NRCAM: variants seen among roughly 807,000 people sequenced by gnomAD.
NRCAM encodes the protein NgCAM-related cell adhesion molecule.
NRCAM carries 83 observed loss-of-function variants against 156.5 expected under a neutral mutation model. That is an observed-to-expected ratio of 0.53 (90% confidence interval 0.44 to 0.64). The LOEUF (loss-of-function observed/expected upper bound fraction) is 0.64. NRCAM is among the 30% of genes least tolerant of loss of function. The pLI is 0.00. For synonymous variants in NRCAM, 538 were observed against 563.9 expected, an observed-to-expected ratio of 0.95 and a Z score of 0.65; for missense variants, 1,417 against 1,597.3, an observed-to-expected ratio of 0.89 and a Z score of 1.92.
At chr7:108,185,588 G>T (rs191375696) in intron 20 of NRCAM, among the ~76,000 whole-genome samples, 1 of 151,956 alleles carries the variant, frequency 6.6e-6, no homozygotes, top group African/African-American at 2.4e-5. Flanking sequence ...GTGTGGTGGC[G>T]TGCACCTATA....
At chr7:108,275,132 C>T (rs988778271) in intron 3 of NRCAM, among the ~76,000 whole-genome samples, 13 of 152,126 alleles carry the variant, frequency 8.5e-5, no homozygotes, top group South Asian at 8.3e-4. Flanking sequence ...CTGCTGCATT[C>T]GGTTTGCCAG....
intron 1 of NRCAM, among the ~76,000 whole-genome samples, chr7:108,408,993 G>T (rs968606591): frequency 6.6e-6 from 1 of 152,144 alleles, no homozygotes; most frequent in South Asian, 2.1e-4. Context: ...CTTAAGCTGG[G>T]GAACGAGGGG....
intron 1 of NRCAM, among the ~76,000 whole-genome samples, chr7:108,428,950 CTTT>C (rs1482991091): frequency 3.5e-5 from 4 of 114,834 alleles, no homozygotes; most frequent in African/African-American, 6.1e-5. Flanking sequence ...TTCTTTTCTT[CTTT>C]TTTTTTTTAA....
chr7:108,168,232 A>G (rs2056081253), intron 29 of NRCAM, 45 bp downstream of exon 29: 2 of 1,468,828 alleles, frequency 1.4e-6, no homozygotes, highest in Admixed American at 2.5e-5. Context: ...CTTTTAAAAA[A>G]TGCATCCCCC....
intron 3 of NRCAM, among the ~76,000 whole-genome samples, chr7:108,312,369 C>T (rs73416385): frequency 0.011 from 1,601 of 152,102 alleles, 25 homozygotes; most frequent in African/African-American, 0.034. Context: ...ACTAGCAGTG[C>T]TTTGCCTCTG....
intron 2 of NRCAM, among the ~76,000 whole-genome samples, chr7:108,369,985 T>C (rs147209839): frequency 2.1e-3 from 316 of 152,266 alleles, no homozygotes; most frequent in African/African-American, 7.3e-3. Flanking sequence ...AATTATTTTT[T>C]AGCAAACTAT....
chr7:108,255,913 T>TG (rs1254553229), intron 3 of NRCAM, among the ~76,000 whole-genome samples: 10 of 143,036 alleles, frequency 7.0e-5, no homozygotes, highest in African/African-American at 2.1e-4. Context: ...GTCCGGGAGG[T>TG]GGGGGGCAGC....
intron 2 of NRCAM, among the ~76,000 whole-genome samples, chr7:108,385,286 A>C (rs1351965315): frequency 6.6e-6 from 1 of 152,182 alleles, no homozygotes; most frequent in Non-Finnish European, 1.5e-5. Flanking sequence ...GCACTCTAGG[A>C]GGCGATCATA....
At chr7:108,237,705 A>T (rs1280384903) in intron 5 of NRCAM, 47 bp downstream of exon 5, 9 of 1,469,212 alleles carry the variant, frequency 6.1e-6, no homozygotes, top group Non-Finnish European at 8.3e-6. Flanking sequence ...AAGCAAAGAC[A>T]TGGTCACATT....
At chr7:108,163,036 T>C (rs904329770) in intron 30 of NRCAM, among the ~76,000 whole-genome samples, 11 of 151,838 alleles carry the variant, frequency 7.2e-5, no homozygotes, top group African/African-American at 2.4e-4. Flanking sequence ...CACACACATA[T>C]ACCCCACAGA....
At chr7:108,235,097 T>C (rs1392576744) in intron 5 of NRCAM, among the ~76,000 whole-genome samples, 3 of 152,196 alleles carry the variant, frequency 2.0e-5, no homozygotes, top group Non-Finnish European at 4.4e-5. Flanking sequence ...GTAACAGACT[T>C]AGGTCATTAG....
Position 108,147,812 on chromosome 7 carries a change from C to T in NRCAM, c.*2098G>A, listed in dbSNP as rs11766582. ...CCACATTTAATTTTTAATACCAAATCTGTTGCACTATTACAGAAGTGACCC... is the reference window on the plus strand; with the variant it reads ...CCACATTTAATTTTTAATACCAAATTTGTTGCACTATTACAGAAGTGACCC... On this transcript the variant is annotated 3_prime_UTR_variant, in exon 33 of 33. Coordinates refer to ENST00000379028, the MANE Select transcript of NRCAM (RefSeq NM_001037132.4). The T allele has an allele frequency of 0.031, 4,704 of 152,738 alleles. 102 individuals are homozygous for T. Among genetic ancestry groups the T allele is most frequent in the Non-Finnish European group, 0.046 (3,128 of 68,024 alleles). 9.5% of individuals were successfully genotyped at this position (152,738 alleles called of 1,614,324 possible).
chr7:108,268,038 T>C (rs894935666), intron 3 of NRCAM, among the ~76,000 whole-genome samples: 4 of 31,510 alleles, frequency 1.3e-4, no homozygotes, highest in African/African-American at 4.4e-4. Context: ...ATATAGCAAA[T>C]AAGTAAAATT....
intron 1 of NRCAM, among the ~76,000 whole-genome samples, chr7:108,446,158 G>A (rs574864149): frequency 6.6e-6 from 1 of 152,286 alleles, no homozygotes; most frequent in African/African-American, 2.4e-5. Flanking sequence ...AAATTATAGA[G>A]GAACTCTTTG....
chr7:108,343,617 T>G (rs928340957), intron 2 of NRCAM, among the ~76,000 whole-genome samples: 1 of 152,114 alleles, frequency 6.6e-6, no homozygotes, highest in African/African-American at 2.4e-5. Flanking sequence ...GAGGACATAG[T>G]TTCCTCCCCT....
At chr7:108,443,113 TCA>T (rs1338429450) in intron 1 of NRCAM, among the ~76,000 whole-genome samples, 1 of 152,160 alleles carries the variant, frequency 6.6e-6, no homozygotes, top group African/African-American at 2.4e-5. Context: ...TGTAAAGTTC[TCA>T]GTGTTCATCC....
chr7:108,379,631 AT>A (rs941286458), intron 2 of NRCAM, among the ~76,000 whole-genome samples: 31 of 150,744 alleles, frequency 2.1e-4, no homozygotes, highest in South Asian at 6.3e-4. Context: ...ATCACAGTTA[AT>A]TTTTTTTTTA....
intron 3 of NRCAM, among the ~76,000 whole-genome samples, chr7:108,299,113 A>AGAAAAGAAAAGAAAAGAAAAGAAAAG (rs1365521824): frequency 2.2e-5 from 2 of 90,538 alleles, no homozygotes; most frequent in African/African-American, 8.9e-5. Flanking sequence ...CTCAAAAAAA[A>AGAAAAGAAAAGAAAAGAAAAGAAAAG]AAAAGAAAGA....
intron 2 of NRCAM, among the ~76,000 whole-genome samples, chr7:108,394,517 T>G (rs1205407626): frequency 6.6e-6 from 1 of 152,220 alleles, no homozygotes; most frequent in African/African-American, 2.4e-5. Context: ...TGCCTCTTTC[T>G]GTCTTTGTCT....
Sources: allele counts gnomAD v4.1 joint callset (sites outside exome capture counted in the v4.1 genomes callset), GRCh38; gene constraint gnomAD v4.1.1; transcripts MANE v1.5; gene names NCBI Gene and HGNC (gene_info 2026-07-23, HGNC 2026-07-21).